Variants in MTUS2 observed in about 807,000 individuals in gnomAD.
MTUS2 encodes the protein microtubule associated scaffold protein 2, also known as microtubule-associated tumor suppressor candidate 2.
A neutral mutation model predicts 114.1 loss-of-function variants in MTUS2; 40 were observed. The observed-to-expected ratio is 0.35, with a 90% CI of 0.27 to 0.46. The LOEUF is 0.46. Among genes scored for constraint, MTUS2 ranks in the 20% least tolerant of loss-of-function variants. MTUS2 has a pLI of 1.00. For missense variants in MTUS2, 1,679 were observed against 1,705.4 expected (o/e 0.98, Z 0.27); for synonymous variants, 688 against 672.0 (o/e 1.02, Z -0.37).
intron 5 of MTUS2, among the ~76,000 whole-genome samples, chr13:29,153,481 CA>C (rs1474591375): frequency 6.6e-6 from 1 of 152,176 alleles, no homozygotes; most frequent in Admixed American, 6.5e-5. Flanking sequence ...ATTAGCACTG[CA>C]AATGCTTTAA....
intron 7 of MTUS2, chr13:29,339,883 G>C (rs1411214159): frequency 6.5e-6 from 1 of 152,716 alleles, no homozygotes; most frequent in Non-Finnish European, 1.5e-5. Flanking sequence ...GCGGCACCCT[G>C]GCCCGGGGCG....
Position 28,909,838 on chromosome 13 carries a change from A to G in MTUS2, c.-243+69988A>G, listed in dbSNP as rs532768344. On this transcript the variant is annotated intron_variant, in intron 2 of 15. Transcript: ENST00000612955. ...TAGGCAACTTCAGGAAAGTCTCACGATACAAAATCAGTGTGCAAAAATCAC... is the reference window on the plus strand; with the variant it reads ...TAGGCAACTTCAGGAAAGTCTCACGGTACAAAATCAGTGTGCAAAAATCAC... Among the ~76,000 whole-genome samples, 15 of 152,350 alleles carry G rather than the reference A, an allele frequency of 9.8e-5. No homozygotes were observed. In the South Asian group the frequency reaches 2.5e-3, roughly 25 times the overall value.
At chr13:28,964,447 C>T (rs750037932) in intron 2 of MTUS2, among the ~76,000 whole-genome samples, 6 of 152,106 alleles carry the variant, frequency 3.9e-5, no homozygotes, top group Non-Finnish European at 8.8e-5. Flanking sequence ...AAAATTCCGA[C>T]CCATTAACAC....
intron 2 of MTUS2, among the ~76,000 whole-genome samples, chr13:28,947,143 A>C (rs1268301356): frequency 6.6e-6 from 1 of 151,916 alleles, no homozygotes; most frequent in Non-Finnish European, 1.5e-5. Flanking sequence ...ATTTTATATT[A>C]CTTTATCCGA....
chr13:28,842,786 T>C (rs1021676774), intron 2 of MTUS2, among the ~76,000 whole-genome samples: 1 of 152,200 alleles, frequency 6.6e-6, no homozygotes, highest in African/African-American at 2.4e-5. Context: ...CACCATGTGC[T>C]TGATGTGTGC....
intron 5 of MTUS2, among the ~76,000 whole-genome samples, chr13:29,184,478 G>C (rs546316441): frequency 6.6e-6 from 1 of 152,284 alleles, no homozygotes; most frequent in African/African-American, 2.4e-5. Context: ...AAAGCCCCAA[G>C]CTCTCACTTC....
intron 4 of MTUS2, among the ~76,000 whole-genome samples, chr13:29,071,608 A>G (rs1888942096): frequency 1.3e-5 from 2 of 150,524 alleles, no homozygotes; most frequent in South Asian, 4.2e-4. Flanking sequence ...TGGTATTTTT[A>G]TTAGAGACGG....
At chr13:29,342,495 T>C in intron 7 of MTUS2, among the ~76,000 whole-genome samples, 1 of 152,150 alleles carries the variant, frequency 6.6e-6, no homozygotes, top group East Asian at 1.9e-4. Flanking sequence ...TACTGATTTG[T>C]GTATATTGAT....
At chr13:29,319,632 C>A (rs1213888093) in intron 6 of MTUS2, among the ~76,000 whole-genome samples, 1 of 152,134 alleles carries the variant, frequency 6.6e-6, no homozygotes, top group Non-Finnish European at 1.5e-5. Context: ...CTGTGTTGTA[C>A]GCCCCCTCCA....
At chr13:29,115,273 C>T (rs750586676) in intron 5 of MTUS2, among the ~76,000 whole-genome samples, 7 of 152,268 alleles carry the variant, frequency 4.6e-5, no homozygotes, top group South Asian at 2.1e-4. Context: ...TGTTCTTATG[C>T]GGTTGAATAT....
At chr13:29,422,909 C>T (rs968890857) in intron 8 of MTUS2, among the ~76,000 whole-genome samples, 5 of 152,130 alleles carry the variant, frequency 3.3e-5, no homozygotes, top group African/African-American at 4.8e-5. Flanking sequence ...GGATTACAGG[C>T]GTGAGTCACC....
At chr13:29,108,299 A>C (rs1593484974) in intron 5 of MTUS2, among the ~76,000 whole-genome samples, 1 of 152,204 alleles carries the variant, frequency 6.6e-6, no homozygotes, top group African/African-American at 2.4e-5. Context: ...GTCTTTGTTC[A>C]TTCTCTTCAG....
intron 8 of MTUS2, among the ~76,000 whole-genome samples, chr13:29,400,202 T>C (rs962577731): frequency 6.6e-6 from 1 of 152,120 alleles, no homozygotes; most frequent in Non-Finnish European, 1.5e-5. Context: ...TAAAGGAACT[T>C]GAAAATGAGG....
intron 5 of MTUS2, among the ~76,000 whole-genome samples, chr13:29,161,740 G>A (rs1412624830): frequency 6.6e-6 from 1 of 152,120 alleles, no homozygotes; most frequent in Non-Finnish European, 1.5e-5. Context: ...TACTAACTGC[G>A]GCGCCAGTTC....
At chr13:29,466,675 G>A (rs1434831450) in intron 9 of MTUS2, among the ~76,000 whole-genome samples, 2 of 152,112 alleles carry the variant, frequency 1.3e-5, no homozygotes, top group African/African-American at 2.4e-5. Flanking sequence ...TCAGGAGTTC[G>A]AGACCAGCAT....
chr13:29,340,166 G>A (rs1394104725), intron 7 of MTUS2, among the ~76,000 whole-genome samples: 1 of 152,176 alleles, frequency 6.6e-6, no homozygotes, highest in Non-Finnish European at 1.5e-5. Flanking sequence ...GCTGCAGCGG[G>A]GGAGGGCAGC....
intron 2 of MTUS2, among the ~76,000 whole-genome samples, chr13:28,911,844 TG>T (rs1369630072): frequency 6.5e-4 from 92 of 140,754 alleles, no homozygotes; most frequent in African/African-American, 2.0e-3. Flanking sequence ...CACTTTTTAA[TG>T]TTTTTTTTTT....
chr13:28,895,649 A>C (rs2137933652), intron 2 of MTUS2, among the ~76,000 whole-genome samples: 1 of 152,318 alleles, frequency 6.6e-6, no homozygotes, highest in South Asian at 2.1e-4. Context: ...ATGAGTATTA[A>C]GTTCTTGGGA....
chr13:29,427,000 A>G (rs117940937), intron 8 of MTUS2, among the ~76,000 whole-genome samples: 2,414 of 152,324 alleles, frequency 0.016, 27 homozygotes, highest in Non-Finnish European at 0.024. Context: ...AGCTCAAGGT[A>G]CTGTGAGCTT....
Sources: allele counts gnomAD v4.1 joint callset (sites outside exome capture counted in the v4.1 genomes callset), GRCh38; gene constraint gnomAD v4.1.1; transcripts MANE v1.5; gene names NCBI Gene and HGNC (gene_info 2026-07-23, HGNC 2026-07-21).